TNR: variants seen among roughly 807,000 people sequenced by gnomAD.
TNR encodes the protein tenascin-R.
In TNR, 45 loss-of-function variants were observed where a neutral mutation model predicts 150.4. The observed-to-expected ratio is 0.30, with a 90% CI of 0.24 to 0.38. TNR has a LOEUF of 0.38. Ranked by LOEUF, TNR falls within the 10% of genes least tolerant of loss-of-function variation. The probability of loss-of-function intolerance (pLI) is 1.00; values close to 1 mark genes in which losing one functional copy is unlikely to be tolerated. For synonymous variants in TNR, 687 were observed against 678.4 expected (o/e 1.01, Z -0.20); for missense variants, 1,544 against 1,759.1 (o/e 0.88, Z 2.19).
At chr1:175,369,018 C>A (rs1651969253) in intron 9 of TNR, among the ~76,000 whole-genome samples, 1 of 152,076 alleles carries the variant, frequency 6.6e-6, no homozygotes, top group Admixed American at 6.6e-5. Flanking sequence ...CAAGTGATCA[C>A]CCTGAGGGCC....
chr1:175,356,576 A>G, intron 15 of TNR, 114 bp from the exon 16 acceptor site: 1 of 1,280,398 alleles, frequency 7.8e-7, no homozygotes, highest in East Asian at 2.4e-5. Context: ...TTGGAAAAAA[A>G]TCTTTCATAG....
chr1:175,469,479 T>C (rs1657181883), intron 2 of TNR, among the ~76,000 whole-genome samples: 1 of 152,068 alleles, frequency 6.6e-6, no homozygotes, highest in African/African-American at 2.4e-5. Context: ...AGTTTTGAAC[T>C]GGACCCTAAA....
At chr1:175,506,255 C>A (rs1658952713) in intron 2 of TNR, among the ~76,000 whole-genome samples, 1 of 152,156 alleles carries the variant, frequency 6.6e-6, no homozygotes, top group African/African-American at 2.4e-5. Context: ...TCAAGAGTGC[C>A]TTTCTGTTAT....
intron 18 of TNR, among the ~76,000 whole-genome samples, chr1:175,353,440 C>T (rs1571327709): frequency 6.6e-6 from 1 of 152,032 alleles, no homozygotes; most frequent in Non-Finnish European, 1.5e-5. Flanking sequence ...TTTTTTTTAT[C>T]CTTTAGCAGC....
At chr1:175,598,089 A>G (rs1302133761) in intron 1 of TNR, among the ~76,000 whole-genome samples, 3 of 152,184 alleles carry the variant, frequency 2.0e-5, no homozygotes, top group African/African-American at 4.8e-5. Flanking sequence ...GAGGATGCCG[A>G]GAACAATATA....
chr1:175,664,738 C>A (rs558434571), intron 1 of TNR, among the ~76,000 whole-genome samples: 1 of 152,252 alleles, frequency 6.6e-6, no homozygotes, highest in South Asian at 2.1e-4. Context: ...TAGAATAAGC[C>A]TACTTTTCTG....
intron 1 of TNR, among the ~76,000 whole-genome samples, chr1:175,719,740 G>C (rs187177867): frequency 1.3e-5 from 2 of 152,262 alleles, no homozygotes; most frequent in African/African-American, 4.8e-5. Flanking sequence ...CAGAGACCCC[G>C]CTGGGAGATA....
At chr1:175,616,191 A>G (rs1360031394) in intron 1 of TNR, among the ~76,000 whole-genome samples, 1 of 152,086 alleles carries the variant, frequency 6.6e-6, no homozygotes, top group Non-Finnish European at 1.5e-5. Context: ...TCTGTTCAGA[A>G]GTATTCTCTG....
chr1:175,542,332 G>A (rs956180927), intron 1 of TNR, among the ~76,000 whole-genome samples: 24 of 152,116 alleles, frequency 1.6e-4, no homozygotes, highest in Non-Finnish European at 2.8e-4. Context: ...TGGAAGGGGG[G>A]TGCTGCATGC....
chr1:175,392,899 A>C (rs1653247066), intron 6 of TNR, among the ~76,000 whole-genome samples: 3 of 152,234 alleles, frequency 2.0e-5, no homozygotes, highest in Admixed American at 1.3e-4. Flanking sequence ...TAACTCCAAC[A>C]GTTCACAGCT....
chr1:175,492,987 G>A (rs967601947), intron 2 of TNR, among the ~76,000 whole-genome samples: 1 of 152,148 alleles, frequency 6.6e-6, no homozygotes, highest in African/African-American at 2.4e-5. Context: ...AATACGAGGA[G>A]CAGGAGGTGG....
chr1:175,708,995 T>C (rs1346949148), intron 1 of TNR, among the ~76,000 whole-genome samples: 2 of 133,098 alleles, frequency 1.5e-5, no homozygotes, highest in African/African-American at 7.9e-5. Context: ...GCGAGCATGT[T>C]ATATCATGTA....
intron 2 of TNR, among the ~76,000 whole-genome samples, chr1:175,470,458 T>C (rs141621364): frequency 2.0e-5 from 3 of 152,248 alleles, no homozygotes; most frequent in Non-Finnish European, 2.9e-5. Flanking sequence ...CAGACTCCCA[T>C]GGTATTTCCA....
intron 19 of TNR, among the ~76,000 whole-genome samples, chr1:175,337,000 C>T (rs1210738795): frequency 6.6e-6 from 1 of 152,220 alleles, no homozygotes. Flanking sequence ...TCAAGTGATT[C>T]CCCTGCCTCA....
At chr1:175,704,566 C>T (rs749100960) in intron 1 of TNR, among the ~76,000 whole-genome samples, 2 of 152,230 alleles carry the variant, frequency 1.3e-5, no homozygotes, top group Non-Finnish European at 2.9e-5. Context: ...TCCCCCACCT[C>T]CTCCTTCCCC....
At chr1:175,557,926 G>A (rs2102206583) in intron 1 of TNR, among the ~76,000 whole-genome samples, 1 of 102,888 alleles carries the variant, frequency 9.7e-6, no homozygotes, top group African/African-American at 3.6e-5. Flanking sequence ...TATACACCAT[G>A]GAATACTATG....
rs144709471 is a variant in TNR at position 175,682,044 on chromosome 1, G to A, written c.-165+61182C>T. 7.4e-4 allele frequency among the ~76,000 whole-genome samples: 112 copies of A among 152,234 alleles called. No homozygotes were observed. The East Asian group carries it at 0.019, about 26-fold the overall frequency. On this transcript the variant is annotated intron_variant, in intron 1 of 22. Transcript: ENST00000367674. Reference sequence around the variant, plus strand: ...TAAATGGCACTTTGTCATCAGAGATGGTTCCTGAATCAGTTAAGAGCTCAA... The same window carrying A: ...TAAATGGCACTTTGTCATCAGAGATAGTTCCTGAATCAGTTAAGAGCTCAA...
intron 2 of TNR, among the ~76,000 whole-genome samples, chr1:175,407,659 A>T (rs1302433107): frequency 6.6e-6 from 1 of 152,240 alleles, no homozygotes; most frequent in African/African-American, 2.4e-5. Context: ...AGTGAGTGTG[A>T]CTATTCGTCG....
chr1:175,432,511 C>T lies in TNR; in HGVS notation c.-63-25734G>A, dbSNP rs76844112. On this transcript the variant is annotated intron_variant, in intron 2 of 22. Transcript: ENST00000367674. ...TTTTCCTTTCCCTTCTTTCTATAGCCTTTTCTTTATTTCTTCCTTGTTCTT... is the reference window on the plus strand; with the variant it reads ...TTTTCCTTTCCCTTCTTTCTATAGCTTTTTCTTTATTTCTTCCTTGTTCTT... Among the ~76,000 whole-genome samples the T allele has an allele frequency of 6.4e-3, 972 of 151,806 alleles. 8 individuals are homozygous for T. The highest frequency in any genetic ancestry group is 0.022 in the African/African-American group (913 of 41,362).
Sources: gnomAD v4.1 joint callset for allele counts (sites outside exome capture counted in the v4.1 genomes callset) on GRCh38, gnomAD v4.1.1 for gene constraint, MANE v1.5 for transcripts, NCBI Gene and HGNC (gene_info 2026-07-23, HGNC 2026-07-21) for gene names.